ZNF280C: variants seen among roughly 807,000 people sequenced by gnomAD.
The protein encoded by ZNF280C is zinc finger protein 280C.
In ZNF280C, 14 loss-of-function variants were observed where a neutral mutation model predicts 53.6. That is an observed-to-expected ratio of 0.26 (90% confidence interval 0.17 to 0.41). ZNF280C has a LOEUF of 0.41. Among genes scored for constraint, ZNF280C ranks in the 10% least tolerant of loss-of-function variants. The pLI, the probability that ZNF280C is intolerant of heterozygous loss-of-function variation, is 1.00. For missense variants in ZNF280C, 416 were observed against 547.1 expected (o/e 0.76, Z 2.39); for synonymous variants, 203 against 181.1 (o/e 1.12, Z -0.97).
rs187664052 is a variant in ZNF280C at position 130,213,234 on chromosome X, G to A, written c.1979+1959C>T. ...AAATAAAAATAAAAATTAGCCGGGC[G>A]TGGTGGCGTGTGCCTGTAGTCCCAG... On this transcript the variant is annotated intron_variant, in intron 15 of 18. Coordinates refer to ENST00000370978, the MANE Select transcript of ZNF280C (RefSeq NM_017666.5). 2.7e-3 allele frequency among the ~76,000 whole-genome samples: 303 copies of A among 111,523 alleles called. 2 individuals are homozygous for A. Among genetic ancestry groups the A allele is most frequent in the African/African-American group, 8.9e-3 (273 of 30,737 alleles).
At chrX:130,261,416 TCA>T (rs758982452) in intron 1 of ZNF280C, among the ~76,000 whole-genome samples, 4 of 112,496 alleles carry the variant, frequency 3.6e-5, no homozygotes, top group African/African-American at 1.3e-4. Context: ...CAGAGCTAAT[TCA>T]GTCTCCACAT....
intron 13 of ZNF280C, among the ~76,000 whole-genome samples, chrX:130,219,230 T>C (rs1264743056): frequency 9.0e-6 from 1 of 111,138 alleles, no homozygotes; most frequent in African/African-American, 3.3e-5. Flanking sequence ...CTCATGCCTG[T>C]AACCCCACAC....
intron 2 of ZNF280C, among the ~76,000 whole-genome samples, chrX:130,247,266 G>A (rs1282836167): frequency 9.0e-6 from 1 of 111,019 alleles, no homozygotes; most frequent in African/African-American, 3.3e-5. Context: ...CCACTGCTAC[G>A]CCCAGTTAAT....
At chrX:130,244,833 C>G (rs771386224) in intron 3 of ZNF280C, among the ~76,000 whole-genome samples, 2 of 104,004 alleles carry the variant, frequency 1.9e-5, no homozygotes, top group African/African-American at 6.9e-5. Context: ...CAAAACAATT[C>G]TATTAAGTGA....
rs750723282 is a variant in ZNF280C, at chrX:130,215,193, C to T, written c.1979G>A (p.Ser660Asn). Residue 660 changes from serine to asparagine, a missense_variant and splice_region_variant, in exon 15 of 19, where the codon AGC becomes AAC. This residue lies in a region of ZNF280C where 151 missense variants were observed against 176.9 expected (regional missense o/e 0.85). Transcript: ENST00000370978. ...CNKAFVNHMM[S>N]SHSNHPGKRF... ...TTGGCAGTTTACATGTTTAACTTAC[C>T]TCATCATATGATTTACAAAGGCTTT... The T allele has an allele frequency of 1.7e-6, 2 of 1,205,300 alleles. No homozygotes were observed. Among genetic ancestry groups the T allele is most frequent in the Non-Finnish European group, 2.2e-6 (2 of 892,815 alleles).
chrX:130,208,180 G>A (rs1396787861), intron 16 of ZNF280C, among the ~76,000 whole-genome samples: 1 of 111,422 alleles, frequency 9.0e-6, no homozygotes, highest in South Asian at 3.7e-4. Flanking sequence ...CCCATGCTGG[G>A]GTATAGTGGC....
intron 12 of ZNF280C, among the ~76,000 whole-genome samples, chrX:130,224,413 C>A (rs1258228289): frequency 8.9e-6 from 1 of 111,929 alleles, no homozygotes; most frequent in African/African-American, 3.3e-5. Context: ...GTAGCTCAAA[C>A]AGACTAAGAC....
In ZNF280C at chrX:130,204,741, T is replaced by C. The variant is rs1207548472; in HGVS notation, c.*236A>G. 7 of 286,071 alleles carry C rather than the reference T, an allele frequency of 2.4e-5. No homozygotes were observed. The highest frequency in any genetic ancestry group is 3.7e-5 in the Non-Finnish European group (6 of 163,946). 23.6% of individuals were successfully genotyped at this position (286,071 alleles called of 1,213,427 possible). A position where few individuals can be genotyped will look rare whatever the true frequency, so the allele number is the denominator to read the frequency against. ...TAGCAGAGAAAAACAAAAGGCATTT[T>C]TGGAGAGAGCCAACTGGAGAAAAAA... On this transcript the variant is annotated 3_prime_UTR_variant, in exon 19 of 19. Coordinates refer to ENST00000370978, the MANE Select transcript of ZNF280C (RefSeq NM_017666.5).
intron 13 of ZNF280C, 78 bp from the exon 14 acceptor site, chrX:130,216,179 A>T (rs948826878): frequency 2.1e-5 from 19 of 922,071 alleles, no homozygotes; most frequent in Non-Finnish European, 2.8e-5. Flanking sequence ...GTAAGCCGTA[A>T]ATATCACATT....
chrX:130,204,701 A>G lies in ZNF280C; in HGVS notation c.*276T>C, dbSNP rs2031952406. ...ATATTATCTGGAATGTAATATTCTG[A>G]AGGCAAGTCAAGTATAGCAGAGAAA... On this transcript the variant is annotated 3_prime_UTR_variant, in exon 19 of 19. Coordinates refer to ENST00000370978, the MANE Select transcript of ZNF280C (RefSeq NM_017666.5). The G allele has an allele frequency of 1.2e-5, 3 of 259,285 alleles. No homozygotes were observed. The East Asian group carries it at 1.8e-4, about 15-fold the overall frequency. 21.4% of individuals were successfully genotyped at this position (259,285 alleles called of 1,213,427 possible).
chrX:130,225,564 A>G (rs191879709), intron 12 of ZNF280C, among the ~76,000 whole-genome samples: 49 of 110,480 alleles, frequency 4.4e-4, no homozygotes, highest in Admixed American at 1.3e-3. Context: ...ACCAGGAACA[A>G]GTTAAGAGGG....
At chrX:130,238,063 T>C (rs1199505829) in intron 6 of ZNF280C, among the ~76,000 whole-genome samples, 1 of 111,439 alleles carries the variant, frequency 9.0e-6, no homozygotes, top group Non-Finnish European at 1.9e-5. Context: ...ACCTCAACTC[T>C]TCTTATCTGT....
intron 1 of ZNF280C, among the ~76,000 whole-genome samples, chrX:130,263,227 C>T (rs751094893): frequency 8.9e-6 from 1 of 112,392 alleles, no homozygotes; most frequent in African/African-American, 3.2e-5. Context: ...CAATTGAAAA[C>T]ATATGTCCAC....
At chrX:130,246,101 T>C (rs2032447527) in intron 3 of ZNF280C, among the ~76,000 whole-genome samples, 1 of 112,219 alleles carries the variant, frequency 8.9e-6, no homozygotes, top group Admixed American at 9.5e-5. Context: ...ATCACCAGTA[T>C]CTTCACTTTA....
intron 16 of ZNF280C, among the ~76,000 whole-genome samples, chrX:130,209,357 A>G (rs780830653): frequency 1.3e-4 from 15 of 112,537 alleles, no homozygotes; most frequent in Admixed American, 3.8e-4. Context: ...AACATTAACA[A>G]TTATGAAGGC....
At chrX:130,246,288 G>A (rs774592783) in intron 3 of ZNF280C, among the ~76,000 whole-genome samples, 2 of 111,908 alleles carry the variant, frequency 1.8e-5, no homozygotes, top group South Asian at 3.7e-4. Flanking sequence ...CAGTAGTTGC[G>A]GAAGATGGGT....
chrX:130,239,015 A>G (rs1377931646), intron 6 of ZNF280C, among the ~76,000 whole-genome samples: 1 of 111,540 alleles, frequency 9.0e-6, no homozygotes, highest in Non-Finnish European at 1.9e-5. Flanking sequence ...GACATCAAAG[A>G]ACTGTAACAC....
chrX:130,244,504 G>A (rs1040936467), intron 3 of ZNF280C, among the ~76,000 whole-genome samples: 3 of 111,196 alleles, frequency 2.7e-5, no homozygotes, highest in African/African-American at 9.8e-5. Flanking sequence ...CCGGCCAGGC[G>A]GGGTGGCTCA....
At chrX:130,224,662 G>A (rs967237155) in intron 12 of ZNF280C, among the ~76,000 whole-genome samples, 1 of 111,573 alleles carries the variant, frequency 9.0e-6, no homozygotes, top group African/African-American at 3.3e-5. Flanking sequence ...CCTCAGCAAT[G>A]AACTGCAGCA....
Sources: allele counts gnomAD v4.1 joint callset (sites outside exome capture counted in the v4.1 genomes callset), GRCh38; gene constraint gnomAD v4.1.1; regional missense constraint gnomAD v4.1.1; transcripts MANE v1.5; gene names NCBI Gene and HGNC (gene_info 2026-07-23, HGNC 2026-07-21).